Variants in PPP3CA observed in about 807,000 individuals in gnomAD.
The protein encoded by PPP3CA is CAM-PRP catalytic subunit.
A neutral mutation model predicts 66.5 loss-of-function variants in PPP3CA; 14 were observed. That is an observed-to-expected ratio of 0.21 (90% CI 0.14 to 0.33). The LOEUF is 0.33. Ranked by LOEUF, PPP3CA falls within the 10% of genes least tolerant of loss-of-function variation. PPP3CA has a pLI of 1.00. For synonymous variants in PPP3CA, 232 were observed against 226.2 expected, an observed-to-expected ratio of 1.03 and a Z score of -0.23; for missense variants, 317 against 639.5, an observed-to-expected ratio of 0.50 and a Z score of 5.44.
chr4:101,287,368 T>C (rs1337561727), intron 1 of PPP3CA, among the ~76,000 whole-genome samples: 1 of 152,240 alleles, frequency 6.6e-6, no homozygotes, highest in Non-Finnish European at 1.5e-5. Context: ...AATGTGTACA[T>C]TTAGAGTGCA....
intron 11 of PPP3CA, among the ~76,000 whole-genome samples, chr4:101,036,902 C>A (rs1727278268): frequency 6.6e-6 from 1 of 152,132 alleles, no homozygotes; most frequent in South Asian, 2.1e-4. Flanking sequence ...AGACTGGAAC[C>A]CCTGTAGAAT....
At chr4:101,265,367 C>T (rs1291947475) in intron 1 of PPP3CA, among the ~76,000 whole-genome samples, 1 of 152,136 alleles carries the variant, frequency 6.6e-6, no homozygotes, top group Admixed American at 6.5e-5. Flanking sequence ...CCTCAGCCTC[C>T]CAAACTGCTG....
intron 2 of PPP3CA, among the ~76,000 whole-genome samples, chr4:101,176,167 A>G (rs1480599468): frequency 6.6e-6 from 1 of 152,104 alleles, no homozygotes; most frequent in Non-Finnish European, 1.5e-5. Context: ...ACATTAAGGG[A>G]TTGCTTTATT....
chr4:101,210,570 C>T (rs1725270376), intron 1 of PPP3CA, among the ~76,000 whole-genome samples: 1 of 152,134 alleles, frequency 6.6e-6, no homozygotes, highest in Admixed American at 6.6e-5. Context: ...TTAACAACTA[C>T]CTTGTTTTAC....
chr4:101,136,072 A>T (rs1722611266), intron 2 of PPP3CA, among the ~76,000 whole-genome samples: 1 of 152,236 alleles, frequency 6.6e-6, no homozygotes, highest in Non-Finnish European at 1.5e-5. Flanking sequence ...TGATTATAAG[A>T]CATATGATTA....
chr4:101,110,096 G>C (rs981314812), intron 2 of PPP3CA, among the ~76,000 whole-genome samples: 1 of 152,028 alleles, frequency 6.6e-6, no homozygotes, highest in Non-Finnish European at 1.5e-5. Flanking sequence ...TAATATATAT[G>C]TGTGTATGTG....
intron 3 of PPP3CA, chr4:101,108,220 C>T (rs1160401325): frequency 6.6e-6 from 1 of 152,198 alleles, no homozygotes; most frequent in African/African-American, 2.4e-5. Context: ...TGTACTCACA[C>T]ATAGACAACC....
chr4:101,103,957 A>G (rs74964504), intron 3 of PPP3CA, among the ~76,000 whole-genome samples: 8,729 of 152,156 alleles, frequency 0.057, 827 homozygotes, highest in African/African-American at 0.19. Flanking sequence ...CTCTTTCATC[A>G]CTACTCAAAA....
chr4:101,264,861 C>A (rs1377837526), intron 1 of PPP3CA, among the ~76,000 whole-genome samples: 3 of 152,034 alleles, frequency 2.0e-5, no homozygotes, highest in African/African-American at 4.8e-5. Context: ...GTGATATATG[C>A]CCTTATTAAA....
intron 10 of PPP3CA, among the ~76,000 whole-genome samples, chr4:101,042,655 G>A (rs983537229): frequency 6.6e-6 from 1 of 151,866 alleles, no homozygotes; most frequent in Non-Finnish European, 1.5e-5. Flanking sequence ...ACCTCTAATC[G>A]TATTCTGATT....
At chr4:101,313,191 CT>C (rs1239713773) in intron 1 of PPP3CA, among the ~76,000 whole-genome samples, 2 of 151,810 alleles carry the variant, frequency 1.3e-5, no homozygotes, top group African/African-American at 2.4e-5. Flanking sequence ...CTTGAAGGGT[CT>C]TTTTTTCTTT....
chr4:101,157,888 A>G (rs1025591597), intron 2 of PPP3CA, among the ~76,000 whole-genome samples: 2 of 151,164 alleles, frequency 1.3e-5, no homozygotes, highest in African/African-American at 4.9e-5. Flanking sequence ...AAAAAAAAAA[A>G]ACCTCTCAGT....
At chr4:101,059,978 GA>G (rs967787803) in intron 10 of PPP3CA, among the ~76,000 whole-genome samples, 5 of 152,016 alleles carry the variant, frequency 3.3e-5, no homozygotes, top group East Asian at 3.9e-4. Context: ...AAATGACAAG[GA>G]AAAAAAGTCT....
At chr4:101,321,289 C>G (rs6828025) in intron 1 of PPP3CA, among the ~76,000 whole-genome samples, 15,993 of 152,038 alleles carry the variant, frequency 0.11, 2,863 homozygotes, top group African/African-American at 0.36. Context: ...AAAGTAGAAA[C>G]AGAAGTCCTC....
intron 2 of PPP3CA, among the ~76,000 whole-genome samples, chr4:101,145,238 A>G (rs1274815007): frequency 6.6e-6 from 1 of 152,164 alleles, no homozygotes; most frequent in Non-Finnish European, 1.5e-5. Flanking sequence ...GAAGTTCCCC[A>G]AAAAACTAAA....
At chr4:101,224,239 AATT>A (rs553079097) in intron 1 of PPP3CA, among the ~76,000 whole-genome samples, 25 of 151,800 alleles carry the variant, frequency 1.6e-4, no homozygotes, top group African/African-American at 6.0e-4. Flanking sequence ...TGGCCACTCT[AATT>A]ATATGTCTTT....
intron 2 of PPP3CA, among the ~76,000 whole-genome samples, chr4:101,112,649 T>C (rs1008640882): frequency 1.3e-5 from 2 of 152,314 alleles, no homozygotes; most frequent in South Asian, 2.1e-4. Context: ...CGAATTTTCA[T>C]AGGCTACCTT....
Position 101,285,599 on chromosome 4 carries a change from ATGTGTGTGTGTGTGTGTGTGTG to A in PPP3CA, c.58+61118_58+61139del, listed in dbSNP as rs56681112. Among the ~76,000 whole-genome samples the A allele has an allele frequency of 5.2e-3, 651 of 124,592 alleles. 3 individuals are homozygous for A. Among genetic ancestry groups the A allele is most frequent in the African/African-American group, 0.018 (596 of 33,000 alleles). The allele number at this position is 124,592 out of a possible 152,430, so 81.7% of individuals were successfully genotyped here. Reference sequence around the variant, plus strand: ...TTCCCTTTCAAATGCCACTGTGTGTATGTGTGTGTGTGTGTGTGTGTGTGTGTGTGTGTGTGTGTGTGTGTGT... The same window carrying A: ...TTCCCTTTCAAATGCCACTGTGTGTATGTGTGTGTGTGTGTGTGTGTGTGT... On this transcript the variant is annotated intron_variant, in intron 1 of 13. Coordinates refer to ENST00000394854, the MANE Select transcript of PPP3CA (RefSeq NM_000944.5).
chr4:101,171,203 G>C (rs1472445185), intron 2 of PPP3CA: 1 of 456,032 alleles, frequency 2.2e-6, no homozygotes. Context: ...CTTGGTGTGT[G>C]AATCGGGGTC....
Sources: allele counts gnomAD v4.1 joint callset (sites outside exome capture counted in the v4.1 genomes callset), GRCh38; gene constraint gnomAD v4.1.1; transcripts MANE v1.5; gene names NCBI Gene and HGNC (gene_info 2026-07-23, HGNC 2026-07-21).